KCNN3: variants seen among roughly 807,000 people sequenced by gnomAD.
KCNN3 encodes the protein potassium calcium-activated channel subfamily N member 3.
In KCNN3, 16 loss-of-function variants were observed where a neutral mutation model predicts 62.9. The ratio of observed to expected loss-of-function variants is 0.25; its 90% CI spans 0.17 to 0.39. The LOEUF (loss-of-function observed/expected upper bound fraction) is 0.39, where lower values mean the gene tolerates loss of function less well. KCNN3 is among the 10% of genes least tolerant of loss of function. The probability of loss-of-function intolerance (pLI) is 1.00; values close to 1 mark genes in which losing one functional copy is unlikely to be tolerated. For synonymous variants in KCNN3, 370 were observed against 389.2 expected (o/e 0.95, Z 0.58); for missense variants, 599 against 949.4 (o/e 0.63, Z 4.85).
At chr1:154,730,934 C>T (rs1449438973) in intron 4 of KCNN3, among the ~76,000 whole-genome samples, 3 of 152,158 alleles carry the variant, frequency 2.0e-5, no homozygotes, top group Non-Finnish European at 4.4e-5. Context: ...GGGCCAGGGT[C>T]TCGCCTGTTC....
chr1:154,841,564 A>G (rs1651832822), intron 1 of KCNN3, among the ~76,000 whole-genome samples: 1 of 152,174 alleles, frequency 6.6e-6, no homozygotes, highest in African/African-American at 2.4e-5. Context: ...CAGAGAGGTT[A>G]AGTCGCTTGC....
chr1:154,818,874 G>A (rs1170410382), intron 2 of KCNN3, among the ~76,000 whole-genome samples: 1 of 152,224 alleles, frequency 6.6e-6, no homozygotes, highest in African/African-American at 2.4e-5. Flanking sequence ...TACTCCCCCA[G>A]CCTCACATGT....
intron 2 of KCNN3, among the ~76,000 whole-genome samples, chr1:154,818,622 C>T (rs2101891329): frequency 6.6e-6 from 1 of 152,356 alleles, no homozygotes; most frequent in South Asian, 2.1e-4. Flanking sequence ...CTCCTGCCTT[C>T]CCTGCCTGAG....
At chr1:154,854,830 A>G (rs1652455150) in intron 1 of KCNN3, among the ~76,000 whole-genome samples, 1 of 152,208 alleles carries the variant, frequency 6.6e-6, no homozygotes, top group South Asian at 2.1e-4. Context: ...TCTAAAATGG[A>G]AAAAAACTTA....
chr1:154,737,861 G>C (rs1185911869), intron 3 of KCNN3, among the ~76,000 whole-genome samples: 2 of 152,216 alleles, frequency 1.3e-5, no homozygotes, highest in African/African-American at 4.8e-5. Context: ...GGTTGAGGCT[G>C]CAGTGAGCTA....
chr1:154,850,124 A>G (rs988757536), intron 1 of KCNN3, among the ~76,000 whole-genome samples: 1 of 151,858 alleles, frequency 6.6e-6, no homozygotes, highest in Non-Finnish European at 1.5e-5. Context: ...CCTCTGCACC[A>G]TCTCCCTCCA....
intron 5 of KCNN3, among the ~76,000 whole-genome samples, chr1:154,719,158 C>G (rs1215402577): frequency 6.6e-6 from 1 of 152,084 alleles, no homozygotes; most frequent in Non-Finnish European, 1.5e-5. Flanking sequence ...GCCCCAGGAG[C>G]CCTGGGAAAT....
intron 2 of KCNN3, among the ~76,000 whole-genome samples, chr1:154,796,714 T>G (rs1403618528): frequency 6.6e-6 from 1 of 152,246 alleles, no homozygotes; most frequent in Non-Finnish European, 1.5e-5. Context: ...GCTGTCAGCA[T>G]GCCAGCTCAC....
chr1:154,785,443 C>T (rs1649235727), intron 2 of KCNN3, among the ~76,000 whole-genome samples: 1 of 152,152 alleles, frequency 6.6e-6, no homozygotes, highest in Non-Finnish European at 1.5e-5. Context: ...TTCCCAAGGG[C>T]CAGCTGCACT....
At chr1:154,839,590 TTTGGCC>T (rs1481216587) in intron 1 of KCNN3, among the ~76,000 whole-genome samples, 1 of 27,826 alleles carries the variant, frequency 3.6e-5, no homozygotes, top group Admixed American at 8.2e-4. Flanking sequence ...CTGACGAAGG[TTTGGCC>T]CAGGCACAGA....
At chr1:154,825,666 C>T (rs1264991654) in intron 1 of KCNN3, among the ~76,000 whole-genome samples, 1 of 151,858 alleles carries the variant, frequency 6.6e-6, no homozygotes, top group Non-Finnish European at 1.5e-5. Flanking sequence ...CCGCGCCCAG[C>T]TGAGAGTCAT....
intron 4 of KCNN3, among the ~76,000 whole-genome samples, chr1:154,731,670 CG>C (rs1156244281): frequency 1.3e-5 from 2 of 151,972 alleles, no homozygotes; most frequent in African/African-American, 4.8e-5. Flanking sequence ...CTGGAGGCAA[CG>C]GGGGTGACAA....
intron 2 of KCNN3, among the ~76,000 whole-genome samples, chr1:154,820,658 A>T (rs1397848036): frequency 6.6e-6 from 1 of 152,156 alleles, no homozygotes; most frequent in African/African-American, 2.4e-5. Context: ...TCTGGGGCTG[A>T]CTGGACAATG....
intron 1 of KCNN3, among the ~76,000 whole-genome samples, chr1:154,830,000 G>T (rs1274850711): frequency 6.6e-6 from 1 of 152,138 alleles, no homozygotes; most frequent in African/African-American, 2.4e-5. Flanking sequence ...CATTGCATTT[G>T]TTCACTCCTA....
chr1:154,834,310 G>T (rs1208804345), intron 1 of KCNN3, among the ~76,000 whole-genome samples: 1 of 152,316 alleles, frequency 6.6e-6, no homozygotes, highest in South Asian at 2.1e-4. Flanking sequence ...ACACACCAAC[G>T]TGGGCCACCA....
chr1:154,836,294 G>T (rs1458610776), intron 1 of KCNN3, among the ~76,000 whole-genome samples: 1 of 152,184 alleles, frequency 6.6e-6, no homozygotes, highest in African/African-American at 2.4e-5. Context: ...GTTGTAATAG[G>T]AGGAGCCAGA....
At chr1:154,837,206 C>A (rs1250732980) in intron 1 of KCNN3, among the ~76,000 whole-genome samples, 1 of 152,032 alleles carries the variant, frequency 6.6e-6, no homozygotes, top group Non-Finnish European at 1.5e-5. Flanking sequence ...TCAAGCAATT[C>A]CCCTGCCTCA....
chr1:154,724,874 T>C (rs1291339205), intron 5 of KCNN3, among the ~76,000 whole-genome samples: 3 of 151,742 alleles, frequency 2.0e-5, no homozygotes, highest in East Asian at 3.9e-4. Flanking sequence ...TTTTTTTTTT[T>C]GAGATGGAGT....
At position 154,725,967 on chromosome 1, in the gene KCNN3, T is replaced by C. The variant is rs762109698; in HGVS notation, c.1650A>G (p.Lys550=). 3.7e-6 allele frequency: 6 copies of C among 1,614,058 alleles called. No homozygotes were observed. In the East Asian group the frequency reaches 1.3e-4, roughly 36 times the overall value. ...TGAAGTTATGAACGTGCTTCTCCGC[T>C]TTGGTGAGTTCCAGCTTTCGGGCCA... ...AVVARKLELT[K]AEKHVHNFMM... The change falls in exon 5 of 8, where the codon AAA becomes AAG. Residue 550 remains lysine (K), a synonymous_variant. Transcript: ENST00000271915.
Sources: allele counts gnomAD v4.1 joint callset (sites outside exome capture counted in the v4.1 genomes callset), GRCh38; gene constraint gnomAD v4.1.1; transcripts MANE v1.5; gene names NCBI Gene and HGNC (gene_info 2026-07-23, HGNC 2026-07-21).